The following ACTR3C variants were observed in gnomAD, a reference collection of about 807,000 sequenced individuals.
The protein encoded by ACTR3C is actin related protein 3C.
A neutral mutation model predicts 26.3 loss-of-function variants in ACTR3C; 18 were observed. The observed-to-expected ratio is 0.68, with a 90% confidence interval of 0.47 to 1.01. The LOEUF is 1.01. Among genes scored for constraint, ACTR3C ranks in the 50% least tolerant of loss-of-function variants. ACTR3C has a pLI of 0.00. For synonymous variants in ACTR3C, 55 were observed against 94.5 expected (o/e 0.58, Z 2.42); for missense variants, 184 against 250.7 (o/e 0.73, Z 1.80).
the ACTR3C span, among the ~76,000 whole-genome samples, chr7:150,131,777 A>G: frequency 6.6e-6 from 1 of 152,232 alleles, no homozygotes; most frequent in East Asian, 1.9e-4. Flanking sequence ...TAGTAGCACT[A>G]CTCATAATAG....
At chr7:149,907,478 T>TCTCTCTCTCTCTCTCTCTCTCTC in the ACTR3C span, among the ~76,000 whole-genome samples, 1 of 97,604 alleles carries the variant, frequency 1.0e-5, no homozygotes, top group Non-Finnish European at 2.1e-5. Context: ...CTCTCTTCTC[T>TCTCTCTCTCTCTCTCTCTCTCTC]TCTCTCTCTC....
the ACTR3C span, among the ~76,000 whole-genome samples, chr7:149,937,630 G>A: frequency 6.6e-6 from 1 of 152,142 alleles, no homozygotes; most frequent in Admixed American, 6.6e-5. Flanking sequence ...AACACTGGCT[G>A]GTTTGGTGGA....
chr7:150,158,439 G>C, the ACTR3C span, among the ~76,000 whole-genome samples: 1 of 152,046 alleles, frequency 6.6e-6, no homozygotes, highest in East Asian at 1.9e-4. Flanking sequence ...TCAAGATACA[G>C]ATGCAACTTA....
chr7:150,185,460 T>C, the ACTR3C span, among the ~76,000 whole-genome samples: 1 of 152,352 alleles, frequency 6.6e-6, no homozygotes, highest in South Asian at 2.1e-4. Flanking sequence ...CATTCAAATA[T>C]CTTTAAGATG....
chr7:150,117,031 GAGGGAC>G, the ACTR3C span, among the ~76,000 whole-genome samples: 1 of 152,180 alleles, frequency 6.6e-6, no homozygotes, highest in African/African-American at 2.4e-5. Flanking sequence ...ACTGTGCCAT[GAGGGAC>G]AATGCTATCC....
At chr7:150,275,816 T>C (rs1307683634) in intron 6 of ACTR3C, among the ~76,000 whole-genome samples, 2 of 152,174 alleles carry the variant, frequency 1.3e-5, no homozygotes, top group African/African-American at 4.8e-5. Flanking sequence ...GAATTTTAGA[T>C]TGGAAATCAT....
At chr7:149,967,928 T>C in the ACTR3C span, among the ~76,000 whole-genome samples, 3 of 152,144 alleles carry the variant, frequency 2.0e-5, no homozygotes, top group Non-Finnish European at 4.4e-5. Context: ...CTGATGGAGA[T>C]GTTAGGTCCT....
the ACTR3C span, among the ~76,000 whole-genome samples, chr7:149,946,016 G>C: frequency 6.6e-6 from 1 of 152,192 alleles, no homozygotes; most frequent in African/African-American, 2.4e-5. Flanking sequence ...AGAGCCTCCA[G>C]AGAGGCCCAA....
the ACTR3C span, among the ~76,000 whole-genome samples, chr7:149,892,991 T>C: frequency 2.6e-5 from 4 of 152,046 alleles, no homozygotes; most frequent in Non-Finnish European, 5.9e-5. Context: ...ATTAATGGCT[T>C]TATAATTCAT....
At chr7:149,951,433 T>G in the ACTR3C span, among the ~76,000 whole-genome samples, 56,515 of 146,398 alleles carry the variant, frequency 0.39, 12,652 homozygotes, top group Middle Eastern at 0.45. Flanking sequence ...AGAGTTTGGC[T>G]GGGCTATATT....
chr7:150,199,087 C>CCCA, the ACTR3C span, among the ~76,000 whole-genome samples: 1 of 150,776 alleles, frequency 6.6e-6, no homozygotes, highest in African/African-American at 2.5e-5. Context: ...GCCCGGCCGC[C>CCCA]CCCCCGTCTG....
At chr7:150,127,234 G>A in the ACTR3C span, among the ~76,000 whole-genome samples, 8 of 150,624 alleles carry the variant, frequency 5.3e-5, no homozygotes, top group Non-Finnish European at 1.0e-4. Flanking sequence ...TTCCCCACCA[G>A]ACTCCCACCC....
At chr7:150,137,592 A>G in the ACTR3C span, among the ~76,000 whole-genome samples, 11 of 152,280 alleles carry the variant, frequency 7.2e-5, no homozygotes, top group African/African-American at 1.2e-4. Flanking sequence ...TCCTTGAAAC[A>G]ATGAGGGTTC....
the ACTR3C span, among the ~76,000 whole-genome samples, chr7:150,168,484 C>T: frequency 6.6e-6 from 1 of 150,844 alleles, no homozygotes; most frequent in African/African-American, 2.5e-5. Context: ...ACTGATTCTA[C>T]ATTATGGTGA....
the ACTR3C span, among the ~76,000 whole-genome samples, chr7:149,896,978 T>C: frequency 2.0e-5 from 3 of 150,908 alleles, no homozygotes; most frequent in African/African-American, 7.4e-5. Flanking sequence ...GGAGAATCAC[T>C]TGAACTTGGG....
At chr7:150,316,463 C>T (rs1405872877) in intron 1 of ACTR3C, among the ~76,000 whole-genome samples, 2 of 147,944 alleles carry the variant, frequency 1.4e-5, no homozygotes, top group Admixed American at 6.7e-5. Flanking sequence ...ATTTTTCCAT[C>T]TGAACTTTAG....
chr7:150,289,419 C>T, intron 4 of ACTR3C, 31 bp downstream of exon 4: 3 of 1,553,334 alleles, frequency 1.9e-6, no homozygotes, highest in Admixed American at 1.8e-5. Flanking sequence ...TCTCTCACCC[C>T]CAAACCAGCC....
At chr7:149,921,665 TCAAGAGTTC>T in the ACTR3C span, among the ~76,000 whole-genome samples, 202 of 152,066 alleles carry the variant, frequency 1.3e-3, 2 homozygotes, top group African/African-American at 4.6e-3. Context: ...TCACCTGAAG[TCAAGAGTTC>T]AAGACCAGCC....
the ACTR3C span, among the ~76,000 whole-genome samples, chr7:150,048,291 C>G: frequency 8.5e-5 from 13 of 152,176 alleles, no homozygotes; most frequent in African/African-American, 2.7e-4. Context: ...CTCCCCGCCC[C>G]CAGGCCCCTC....
Sources: allele counts gnomAD v4.1 joint callset (sites outside exome capture counted in the v4.1 genomes callset), GRCh38; gene constraint gnomAD v4.1.1; transcripts MANE v1.5; gene names NCBI Gene and HGNC (gene_info 2026-07-23, HGNC 2026-07-21).